Variants in GRAMD1B observed in about 807,000 individuals in gnomAD.
GRAMD1B encodes the protein GRAM domain containing 1B, also known as protein Aster-B.
Under a neutral mutation model 99.7 loss-of-function variants are expected in GRAMD1B, and 37 were observed. The ratio of observed to expected loss-of-function variants is 0.37; its 90% CI spans 0.29 to 0.49. The LOEUF is 0.49. Among genes scored for constraint, GRAMD1B ranks in the 20% least tolerant of loss-of-function variants. The probability of loss-of-function intolerance (pLI) is 0.98; values close to 1 mark genes in which losing one functional copy is unlikely to be tolerated. For synonymous variants in GRAMD1B, 427 were observed against 387.6 expected, an observed-to-expected ratio of 1.10 and a Z score of -1.19; for missense variants, 888 against 1,009.2, an observed-to-expected ratio of 0.88 and a Z score of 1.63.
chr11:123,592,890 G>A (rs544222758), intron 4 of GRAMD1B, among the ~76,000 whole-genome samples: 4 of 152,130 alleles, frequency 2.6e-5, no homozygotes, highest in South Asian at 2.1e-4. Context: ...TTGTGGGCAC[G>A]TATTTTCTTT....
chr11:123,594,215 C>G (rs1285813219), intron 5 of GRAMD1B, 49 bp downstream of exon 5: 2 of 1,281,908 alleles, frequency 1.6e-6, no homozygotes, highest in Non-Finnish European at 2.3e-6. Context: ...TGGGGAGCCC[C>G]CGGCATAGCA....
chr11:123,487,692 C>T (rs1938017672), intron 2 of GRAMD1B, among the ~76,000 whole-genome samples: 1 of 152,198 alleles, frequency 6.6e-6, no homozygotes, highest in Non-Finnish European at 1.5e-5. Flanking sequence ...GCAACCTCCG[C>T]CTCCTGGGTT....
At chr11:123,571,443 G>A (rs190380829) in intron 2 of GRAMD1B, among the ~76,000 whole-genome samples, 18 of 152,300 alleles carry the variant, frequency 1.2e-4, no homozygotes, top group African/African-American at 4.3e-4. Flanking sequence ...CTTTTCTCAA[G>A]GACATCAGCT....
At chr11:123,573,922 G>C (rs1337727227) in intron 2 of GRAMD1B, among the ~76,000 whole-genome samples, 2 of 152,172 alleles carry the variant, frequency 1.3e-5, no homozygotes, top group Admixed American at 1.3e-4. Flanking sequence ...GCTGGGTCGT[G>C]TGGGGCGTGC....
intron 1 of GRAMD1B, among the ~76,000 whole-genome samples, chr11:123,404,876 T>A (rs1947800030): frequency 6.6e-6 from 1 of 152,206 alleles, no homozygotes; most frequent in Non-Finnish European, 1.5e-5. Flanking sequence ...AAATTCCGCC[T>A]GTTGTCAGGG....
chr11:123,538,992 C>T (rs1374179020), intron 2 of GRAMD1B, among the ~76,000 whole-genome samples: 3 of 151,570 alleles, frequency 2.0e-5, no homozygotes, highest in African/African-American at 7.3e-5. Flanking sequence ...CTTAGCATAA[C>T]ATTTTCAAGT....
Position 123,469,770 on chromosome 11 carries a change from T to TC in GRAMD1B, c.375-11045dup, listed in dbSNP as rs59246543. Among the ~76,000 whole-genome samples the TC allele has an allele frequency of 1.4e-3, 155 of 108,166 alleles. 1 individual carries two copies. The highest frequency in any genetic ancestry group is 4.7e-3 in the African/African-American group (141 of 30,016). 71.0% of individuals were successfully genotyped at this position (108,166 alleles called of 152,430 possible). On this transcript the variant is annotated intron_variant, in intron 1 of 19. Transcript: ENST00000635736. ...CTTTCTTTCTTTCCTTCTTTCTTTC[T>TC]CTTTCTTTCCTTCCTTCCTTCCTTC...
At chr11:123,557,740 C>G (rs1321901180) in intron 2 of GRAMD1B, among the ~76,000 whole-genome samples, 1 of 152,144 alleles carries the variant, frequency 6.6e-6, no homozygotes, top group Non-Finnish European at 1.5e-5. Flanking sequence ...TTTGTCTGGT[C>G]CCTGACATAC....
At chr11:123,462,168 C>A (rs1490508242) in intron 1 of GRAMD1B, among the ~76,000 whole-genome samples, 1 of 151,580 alleles carries the variant, frequency 6.6e-6, no homozygotes, top group Non-Finnish European at 1.5e-5. Context: ...GAGGTTTCAC[C>A]ATGTTAGCCA....
intron 2 of GRAMD1B, among the ~76,000 whole-genome samples, chr11:123,552,141 T>C (rs1373053463): frequency 6.6e-6 from 1 of 152,178 alleles, no homozygotes; most frequent in Non-Finnish European, 1.5e-5. Flanking sequence ...TCAGCCATCC[T>C]GTGTAGATTC....
rs554858432 is a variant in GRAMD1B, at chr11:123,492,911, C to G, written c.452+12018C>G. Among the ~76,000 whole-genome samples, 4 of 146,632 alleles carry G rather than the reference C, an allele frequency of 2.7e-5. No homozygotes were observed. Among genetic ancestry groups the G allele is most frequent in the African/African-American group, 1.0e-4 (4 of 38,918 alleles). On this transcript the variant is annotated intron_variant, in intron 2 of 19. Transcript: ENST00000635736. This position sits in a 1 kb window ranked among gnomAD's most constrained non-coding sequence, Gnocchi z 4.2. ...ACACACACACGCATAGGCATAGATGCCTGTGATTGTTTAGCTGTCTATTGA... is the reference window on the plus strand; with the variant it reads ...ACACACACACGCATAGGCATAGATGGCTGTGATTGTTTAGCTGTCTATTGA...
chr11:123,609,643 A>G (rs1291483783), intron 12 of GRAMD1B, among the ~76,000 whole-genome samples, 152 bp from the exon 13 acceptor site: 5 of 150,824 alleles, frequency 3.3e-5, no homozygotes, highest in Admixed American at 3.3e-4. Flanking sequence ...TCCTCTTCCC[A>G]CCCTCCCCCC....
At chr11:123,485,302 T>C (rs1016800418) in intron 2 of GRAMD1B, among the ~76,000 whole-genome samples, 9 of 152,256 alleles carry the variant, frequency 5.9e-5, no homozygotes, top group Non-Finnish European at 1.2e-4. Context: ...CACTTTCAGC[T>C]GGTTTAATAA....
At chr11:123,411,156 C>A (rs905307819) in intron 1 of GRAMD1B, among the ~76,000 whole-genome samples, 2 of 152,038 alleles carry the variant, frequency 1.3e-5, no homozygotes, top group Non-Finnish European at 2.9e-5. Context: ...AGGCGCCCGC[C>A]ACCACACCCG....
chr11:123,472,112 C>T (rs972272587), intron 1 of GRAMD1B, among the ~76,000 whole-genome samples: 1 of 151,760 alleles, frequency 6.6e-6, no homozygotes, highest in African/African-American at 2.4e-5. Context: ...GCGGGCCTGT[C>T]ATCCCAGCTA....
chr11:123,516,871 G>C (rs539679984), intron 2 of GRAMD1B, among the ~76,000 whole-genome samples: 1 of 152,298 alleles, frequency 6.6e-6, no homozygotes, highest in South Asian at 2.1e-4. Flanking sequence ...ATCTAACTTT[G>C]AAATATCATT....
rs375659086 is a variant in GRAMD1B at position 123,565,421 on chromosome 11, C to T, written c.453-11946C>T. ...ATCATGTGGATACAAACAACCATGA[C>T]ACTGTTGCTGTCCTATTGGGCCCTC... On this transcript the variant is annotated intron_variant, in intron 2 of 19. Coordinates refer to ENST00000635736, the MANE Select transcript of GRAMD1B (RefSeq NM_001387025.1). Among the ~76,000 whole-genome samples the T allele has an allele frequency of 4.2e-4, 64 of 152,338 alleles. No homozygotes were observed. The South Asian group carries it at 0.013, about 30-fold the overall frequency.
chr11:123,454,329 A>T (rs776068952), intron 1 of GRAMD1B: 25 of 152,198 alleles, frequency 1.6e-4, no homozygotes, highest in Non-Finnish European at 2.4e-4. Flanking sequence ...TATGGGTGTC[A>T]TTTGGGGCCA....
chr11:123,612,610 A>G (rs764102356), intron 14 of GRAMD1B, 151 bp from the exon 15 acceptor site: 303 of 678,128 alleles, frequency 4.5e-4, no homozygotes, highest in South Asian at 5.3e-4. Context: ...CACTGACTTC[A>G]GAGGGTGAGA....
Sources: allele counts gnomAD v4.1 joint callset (sites outside exome capture counted in the v4.1 genomes callset), GRCh38; gene constraint gnomAD v4.1.1; non-coding constraint Gnocchi (gnomAD v3.1); transcripts MANE v1.5; gene names NCBI Gene and HGNC (gene_info 2026-07-23, HGNC 2026-07-21).